Variants in PIWIL2 observed in about 807,000 individuals in gnomAD.
The protein encoded by PIWIL2 is piwi like RNA-mediated gene silencing 2, also known as piwi-like protein 2.
PIWIL2 carries 81 observed loss-of-function variants against 116.5 expected under a neutral mutation model. The ratio of observed to expected loss-of-function variants is 0.70; its 90% confidence interval spans 0.58 to 0.84. The LOEUF (loss-of-function observed/expected upper bound fraction) is 0.84. PIWIL2 is among the 40% of genes least tolerant of loss of function. The probability of loss-of-function intolerance (pLI) is 0.00; values close to 1 mark genes in which losing one functional copy is unlikely to be tolerated. For missense variants in PIWIL2, 1,272 were observed against 1,212.3 expected, an observed-to-expected ratio of 1.05 and a Z score of -0.73; for synonymous variants, 489 against 429.5, an observed-to-expected ratio of 1.14 and a Z score of -1.71.
chr8:22,355,511 C>A lies in PIWIL2; in HGVS notation c.*6C>A. ...AGAACCTGTTCTTCCTGTGACTGCA[C>A]AGCTTGGAGATGGGCTGGTGAGAAG... On this transcript the variant is annotated 3_prime_UTR_variant, in exon 23 of 23. Transcript: ENST00000356766. The A allele has an allele frequency of 6.2e-7, 1 of 1,613,160 alleles. No homozygotes were observed. The highest frequency in any genetic ancestry group is 8.5e-7 in the Non-Finnish European group (1 of 1,179,612).
chr8:22,337,712 A>G (rs1832011934), intron 20 of PIWIL2, among the ~76,000 whole-genome samples: 1 of 152,174 alleles, frequency 6.6e-6, no homozygotes, highest in Admixed American at 6.5e-5. Context: ...CCTGGGCAAT[A>G]AGAGCAAAAC....
At chr8:22,351,431 GCATA>G (rs1228111599) in intron 20 of PIWIL2, among the ~76,000 whole-genome samples, 1,329 of 52,682 alleles carry the variant, frequency 0.025, 87 homozygotes, top group East Asian at 0.07. Flanking sequence ...AAGGAACAGT[GCATA>G]CATACATATA....
chr8:22,299,728 A>G (rs1246277225), intron 10 of PIWIL2, among the ~76,000 whole-genome samples: 1 of 152,166 alleles, frequency 6.6e-6, no homozygotes, highest in African/African-American at 2.4e-5. Flanking sequence ...TCACCTGTGA[A>G]ACGTTACAGT....
chr8:22,316,475 T>C lies in PIWIL2; in HGVS notation c.2297+142T>C, dbSNP rs1586572340. On this transcript the variant is annotated intron_variant, in intron 19 of 22. Coordinates refer to ENST00000356766, the MANE Select transcript of PIWIL2 (RefSeq NM_018068.5). Reference sequence around the variant, plus strand: ...TTTTCTTCCTCTATCTTCATGTGAATTTTTTTTTTCGGGGGGGAGGGGTGG... The same window carrying C: ...TTTTCTTCCTCTATCTTCATGTGAACTTTTTTTTTCGGGGGGGAGGGGTGG... 4 of 523,222 alleles carry C rather than the reference T, an allele frequency of 7.6e-6. No individual in the cohort carries two copies. In the East Asian group the frequency reaches 1.1e-4, roughly 15 times the overall value. 32.4% of individuals were successfully genotyped at this position (523,222 alleles called of 1,614,324 possible). A position where few individuals can be genotyped will look rare whatever the true frequency, so the allele number is the denominator to read the frequency against.
In PIWIL2 at chr8:22,294,365, A is replaced by G. The variant is rs1255725077; in HGVS notation, c.1181+4019A>G. Among the ~76,000 whole-genome samples the G allele has an allele frequency of 3.1e-5, 4 of 127,258 alleles. No individual in the cohort carries two copies. The East Asian group carries it at 7.3e-4, about 23-fold the overall frequency. 83.5% of individuals were successfully genotyped at this position (127,258 alleles called of 152,430 possible). The stretch of plus-strand genomic sequence containing the variant: ...AAAAAAAAAAAAAAAAAAAGGTCCG[A>G]GCGTGGTGGCTCACGCCTGTAATCC... On this transcript the variant is annotated intron_variant, in intron 10 of 22. Transcript: ENST00000356766.
chr8:22,336,085 T>C (rs964349863), intron 20 of PIWIL2, among the ~76,000 whole-genome samples: 3 of 152,180 alleles, frequency 2.0e-5, no homozygotes, highest in African/African-American at 7.2e-5. Flanking sequence ...GTCTTAGATA[T>C]AATAATTAGA....
chr8:22,331,827 A>C (rs1452247364), intron 20 of PIWIL2, among the ~76,000 whole-genome samples: 1 of 152,030 alleles, frequency 6.6e-6, no homozygotes, highest in Non-Finnish European at 1.5e-5. Flanking sequence ...ATATTGGATT[A>C]GGGCCCACCC....
Position 22,318,202 on chromosome 8 carries a change from T to A in PIWIL2, c.2330T>A (p.Phe777Tyr). 2 of 1,613,756 alleles carry A rather than the reference T, an allele frequency of 1.2e-6. No individual in the cohort carries two copies. Among genetic ancestry groups the A allele is most frequent in the Non-Finnish European group, 1.7e-6 (2 of 1,179,668 alleles). ...ACAAAATGGTATTCCCGGGTGGTGT[T>A]CCAGATGCCGCATCAGGAGATTGTG... is the stretch of plus-strand genomic sequence containing the variant. ...TLTKWYSRVV[F>Y]QMPHQEIVDS... The change falls in exon 20 of 23, where the codon TTC becomes TAC. Residue 777 changes from phenylalanine to tyrosine, a missense_variant. Transcript: ENST00000356766.
intron 20 of PIWIL2, chr8:22,321,797 G>C: frequency 1.1e-6 from 1 of 913,288 alleles, no homozygotes; most frequent in Non-Finnish European, 1.3e-6. Flanking sequence ...GGGGTTCTAA[G>C]ATTCTGACTA....
At chr8:22,287,776 G>C in intron 7 of PIWIL2, 131 bp downstream of exon 7, 2 of 668,502 alleles carry the variant, frequency 3.0e-6, no homozygotes, top group East Asian at 5.3e-5. Flanking sequence ...CAAAGCCCTG[G>C]GACTACAGGC....
chr8:22,315,491 AT>A (rs113129439), intron 18 of PIWIL2, among the ~76,000 whole-genome samples: 13,328 of 151,750 alleles, frequency 0.088, 1,947 homozygotes, highest in African/African-American at 0.31. Flanking sequence ...TAATTTTTGT[AT>A]TTTTAGTACA....
Position 22,281,147 on chromosome 8 carries a change from C to G in PIWIL2, c.226C>G (p.Arg76Gly), listed in dbSNP as rs1563343136. Residue 76 changes from arginine to glycine, a missense_variant, in exon 3 of 23, where the codon CGA becomes GGA. By Grantham distance (125) the Arg-to-Gly change is moderately radical. Transcript: ENST00000356766. Reference protein sequence around the residue: ...RESVGLVSMFRGLGIETVSKT... With the variant: ...RESVGLVSMFGGLGIETVSKT... ...GTCTGTGGGTTTGGTCTCCATGTTC[C>G]GAGGCCTGGGCATTGAAACAGTTTC... is the stretch of plus-strand genomic sequence containing the variant. 1.9e-6 allele frequency: 3 copies of G among 1,612,364 alleles called. No homozygotes were observed. Among genetic ancestry groups the G allele is most frequent in the South Asian group, 1.1e-5 (1 of 90,682 alleles).
rs192585459 is a variant in PIWIL2 at position 22,301,039 on chromosome 8, G to T, written c.1182-2982G>T. 4.3e-4 allele frequency among the ~76,000 whole-genome samples: 65 copies of T among 151,936 alleles called. 1 individual carries two copies. Among genetic ancestry groups the T allele is most frequent in the African/African-American group, 1.6e-3 (65 of 41,434 alleles). Reference sequence around the variant, plus strand: ...TTGCTCTGTTGGCTGGAGCGCAGAGGTGCAGTCACATCTCACTGCAGCCTT... The same window carrying T: ...TTGCTCTGTTGGCTGGAGCGCAGAGTTGCAGTCACATCTCACTGCAGCCTT... On this transcript the variant is annotated intron_variant, in intron 10 of 22. Transcript: ENST00000356766.
chr8:22,279,499 C>T lies in PIWIL2; in HGVS notation c.113C>T (p.Ala38Val), dbSNP rs755100914. 1 of 1,614,202 alleles carries T rather than the reference C, an allele frequency of 6.2e-7. No individual in the cohort carries two copies. Among genetic ancestry groups the T allele is most frequent in the Non-Finnish European group, 8.5e-7 (1 of 1,180,026 alleles). ...WPQASKPLDP[A>V]LGRGAPAGRG... ...CAAGCTTCTAAACCTTTGGACCCAGCTCTGGGCAGGGGAGCACCTGCAGGC... is the reference window on the plus strand; with the variant it reads ...CAAGCTTCTAAACCTTTGGACCCAGTTCTGGGCAGGGGAGCACCTGCAGGC... The change falls in exon 2 of 23, where the codon GCT (alanine) becomes GTT (valine). Residue 38 changes from alanine to valine, a missense_variant. By Grantham distance (64) the Ala-to-Val change is moderately conservative. Transcript: ENST00000356766.
intron 7 of PIWIL2, among the ~76,000 whole-genome samples, chr8:22,288,088 C>T (rs577456437): frequency 5.3e-5 from 8 of 152,146 alleles, no homozygotes; most frequent in South Asian, 2.1e-4. Flanking sequence ...CACGAGGTCA[C>T]GAGATTGAGA....
rs770659775 is a variant in PIWIL2 at position 22,311,266 on chromosome 8, A to G, written c.1955A>G (p.Tyr652Cys). ...VELKDDRIETYVRTIQSTLGA... is the reference protein window; with the variant it reads ...VELKDDRIETCVRTIQSTLGA... ...CTAAAGGATGACCGAATAGAGACTTATGTCAGAACCATTCAATCCACGTTA... is the reference window on the plus strand; with the variant it reads ...CTAAAGGATGACCGAATAGAGACTTGTGTCAGAACCATTCAATCCACGTTA... The change falls in exon 16 of 23, where the codon TAT becomes TGT. Residue 652 changes from tyrosine (Y) to cysteine (C), a missense_variant. Transcript: ENST00000356766. The G allele has an allele frequency of 1.9e-6, 3 of 1,613,634 alleles. No individual in the cohort carries two copies. Among genetic ancestry groups the G allele is most frequent in the East Asian group, 4.5e-5 (2 of 44,884 alleles).
intron 14 of PIWIL2, among the ~76,000 whole-genome samples, chr8:22,309,755 C>T (rs965557561): frequency 1.3e-5 from 2 of 152,310 alleles, no homozygotes; most frequent in South Asian, 4.1e-4. Context: ...AAGACTAGTA[C>T]CTATAATAAT....
intron 20 of PIWIL2, among the ~76,000 whole-genome samples, chr8:22,350,085 A>G (rs1372180834): frequency 6.6e-6 from 1 of 152,184 alleles, no homozygotes; most frequent in Non-Finnish European, 1.5e-5. Flanking sequence ...ATGATGCTAA[A>G]TGTAGATTCT....
At chr8:22,281,257 C>T in intron 3 of PIWIL2, 50 bp downstream of exon 3, 2 of 1,543,436 alleles carry the variant, frequency 1.3e-6, no homozygotes, top group South Asian at 1.2e-5. Context: ...TGATTGGTTT[C>T]TTCTAAAATC....
Sources: gnomAD v4.1 joint callset for allele counts (sites outside exome capture counted in the v4.1 genomes callset) on GRCh38, gnomAD v4.1.1 for gene constraint, MANE v1.5 for transcripts, NCBI Gene and HGNC (gene_info 2026-07-23, HGNC 2026-07-21) for gene names.